The following STAC variants were observed in gnomAD, a reference collection of about 807,000 sequenced individuals.
The protein encoded by STAC is SH3 and cysteine-rich domain-containing protein.
A neutral mutation model predicts 48.8 loss-of-function variants in STAC; 43 were observed. The ratio of observed to expected loss-of-function variants is 0.88; its 90% CI spans 0.69 to 1.14. The LOEUF (loss-of-function observed/expected upper bound fraction) is 1.14. STAC is among the 50% of genes most tolerant of loss of function. The pLI is 0.00. For synonymous variants in STAC, 193 were observed against 179.5 expected (o/e 1.07, Z -0.60); for missense variants, 497 against 504.0 (o/e 0.99, Z 0.13).
intron 1 of STAC, among the ~76,000 whole-genome samples, chr3:36,433,215 C>T (rs1700747314): frequency 6.6e-6 from 1 of 152,026 alleles, no homozygotes; most frequent in Admixed American, 6.6e-5. Context: ...CACAGACCTC[C>T]CAGGAAGAAC....
intron 8 of STAC, among the ~76,000 whole-genome samples, chr3:36,519,087 T>A (rs1310627770): frequency 6.6e-6 from 1 of 152,150 alleles, no homozygotes; most frequent in Admixed American, 6.5e-5. Flanking sequence ...GAGCAGTCAC[T>A]CTCTCTCCAG....
chr3:36,448,648 T>C (rs1696587690), intron 2 of STAC, among the ~76,000 whole-genome samples: 1 of 152,206 alleles, frequency 6.6e-6, no homozygotes, highest in Admixed American at 6.5e-5. Context: ...CTTTGAAAAC[T>C]GTTATCTTCA....
chr3:36,457,358 T>A (rs564990488), intron 2 of STAC, among the ~76,000 whole-genome samples: 2 of 152,222 alleles, frequency 1.3e-5, no homozygotes, highest in Non-Finnish European at 2.9e-5. Flanking sequence ...ACCTACATCA[T>A]AGAATTTACT....
intron 2 of STAC, among the ~76,000 whole-genome samples, chr3:36,471,459 A>G (rs1697331637): frequency 6.6e-6 from 1 of 152,142 alleles, no homozygotes; most frequent in Admixed American, 6.5e-5. Flanking sequence ...ACAGTCCCCC[A>G]AAGTCTTCAC....
intron 1 of STAC, among the ~76,000 whole-genome samples, chr3:36,389,119 C>T (rs1013946426): frequency 2.0e-5 from 3 of 152,186 alleles, no homozygotes; most frequent in Non-Finnish European, 2.9e-5. Context: ...TTTTATGCCT[C>T]TCATAAATGC....
intron 1 of STAC, among the ~76,000 whole-genome samples, chr3:36,414,630 T>C (rs1400270945): frequency 2.0e-5 from 3 of 152,226 alleles, no homozygotes; most frequent in Non-Finnish European, 2.9e-5. Context: ...ACTTTCTCCT[T>C]TAGCTCGGAG....
chr3:36,408,599 T>C (rs1479347268), intron 1 of STAC, among the ~76,000 whole-genome samples: 1 of 152,190 alleles, frequency 6.6e-6, no homozygotes, highest in Non-Finnish European at 1.5e-5. Context: ...ATGGTGAGGC[T>C]CCTGGAAAAG....
At chr3:36,494,437 G>A (rs1698082352) in intron 6 of STAC, among the ~76,000 whole-genome samples, 1 of 152,154 alleles carries the variant, frequency 6.6e-6, no homozygotes, top group African/African-American at 2.4e-5. Context: ...GCCTTTTCCA[G>A]CCTGGATGCA....
At position 36,482,980 on chromosome 3, in the gene STAC, T is replaced by C. The variant is rs1237328028; in HGVS notation, c.389-12T>C. The C allele has an allele frequency of 1.9e-6, 3 of 1,609,936 alleles. No homozygotes were observed. Among genetic ancestry groups the C allele is most frequent in the African/African-American group, 2.7e-5 (2 of 74,818 alleles). On this transcript the variant is annotated splice_polypyrimidine_tract_variant and intron_variant, in intron 2 of 10. Coordinates refer to ENST00000273183, the MANE Select transcript of STAC (RefSeq NM_003149.3). ...GTTGTATCCTAACCAAAGTTTGCCATGTACCTGACAGGAACAAATGCTAAG... is the reference window on the plus strand; with the variant it reads ...GTTGTATCCTAACCAAAGTTTGCCACGTACCTGACAGGAACAAATGCTAAG...
Position 36,443,756 on chromosome 3 carries a change from T to C in STAC, c.388+116T>C. ...ATGCTAGGCCTCAGAGATTTACATG[T>C]GGGAAGATCATTCAGGAGTGCTTTG... On this transcript the variant is annotated intron_variant, in intron 2 of 10. Transcript: ENST00000273183. This position sits in a 1 kb window ranked among gnomAD's most constrained non-coding sequence, Gnocchi z 4.2. 5 of 1,345,458 alleles carry C rather than the reference T, an allele frequency of 3.7e-6. No individual in the cohort carries two copies. Among genetic ancestry groups the C allele is most frequent in the Non-Finnish European group, 5.1e-6 (5 of 981,612 alleles). 83.3% of individuals were successfully genotyped at this position (1,345,458 alleles called of 1,614,324 possible). A position where few individuals can be genotyped will look rare whatever the true frequency, so the allele number is the denominator to read the frequency against.
chr3:36,423,970 C>T (rs547013994), intron 1 of STAC, among the ~76,000 whole-genome samples: 1 of 152,206 alleles, frequency 6.6e-6, no homozygotes, highest in African/African-American at 2.4e-5. Context: ...TCTCACAAGA[C>T]TGAGTTTAAT....
At chr3:36,486,511 C>A (rs1697820868) in intron 5 of STAC, among the ~76,000 whole-genome samples, 1 of 152,216 alleles carries the variant, frequency 6.6e-6, no homozygotes, top group Non-Finnish European at 1.5e-5. Context: ...CATGGACCCC[C>A]TCTCCTTTAC....
chr3:36,490,111 T>C (rs1697928068), intron 5 of STAC, among the ~76,000 whole-genome samples: 1 of 152,182 alleles, frequency 6.6e-6, no homozygotes. Context: ...GCCCTCTGTC[T>C]CTCTCCTCTT....
At chr3:36,534,514 T>C (rs1228375139) in intron 10 of STAC, among the ~76,000 whole-genome samples, 1 of 152,076 alleles carries the variant, frequency 6.6e-6, no homozygotes, top group Non-Finnish European at 1.5e-5. Flanking sequence ...TAAAGATAAA[T>C]GCAATGCACA....
chr3:36,526,237 C>G (rs1181128342), intron 8 of STAC, among the ~76,000 whole-genome samples: 3 of 152,056 alleles, frequency 2.0e-5, no homozygotes, highest in African/African-American at 7.2e-5. Flanking sequence ...GCATTAATGG[C>G]CCTAATTATT....
At chr3:36,413,945 A>G (rs1210107032) in intron 1 of STAC, among the ~76,000 whole-genome samples, 4 of 152,052 alleles carry the variant, frequency 2.6e-5, no homozygotes, top group East Asian at 1.9e-4. Context: ...GCTTAGTTTG[A>G]CTGGATATGA....
In STAC at chr3:36,453,358, C is replaced by A. The variant is rs564103620; in HGVS notation, c.388+9718C>A. Among the ~76,000 whole-genome samples the A allele has an allele frequency of 2.3e-3, 344 of 152,290 alleles. 3 individuals are homozygous for A. Among genetic ancestry groups the A allele is most frequent in the African/African-American group, 7.9e-3 (329 of 41,582 alleles). On this transcript the variant is annotated intron_variant, in intron 2 of 10. Transcript: ENST00000273183. ...CGAGGTGTGGAGGGAGAGGCGTGGG[C>A]GGGAACCGGGGCTGCGCGCGGTGCT... is the stretch of plus-strand genomic sequence containing the variant.
intron 1 of STAC, among the ~76,000 whole-genome samples, chr3:36,439,678 C>T (rs1162604223): frequency 6.6e-6 from 1 of 152,170 alleles, no homozygotes; most frequent in Non-Finnish European, 1.5e-5. Flanking sequence ...CAGCATCAGT[C>T]CAGTTTATAG....
intron 1 of STAC, among the ~76,000 whole-genome samples, chr3:36,382,144 C>T (rs1421579030): frequency 6.6e-6 from 1 of 152,220 alleles, no homozygotes; most frequent in Non-Finnish European, 1.5e-5. Context: ...TACCTCTCCT[C>T]AGTCAAAAAG....
Sources: allele counts gnomAD v4.1 joint callset (sites outside exome capture counted in the v4.1 genomes callset), GRCh38; gene constraint gnomAD v4.1.1; non-coding constraint Gnocchi (gnomAD v3.1); transcripts MANE v1.5; gene names NCBI Gene and HGNC (gene_info 2026-07-23, HGNC 2026-07-21).